The following CDS2 variants were observed in gnomAD, a reference collection of about 807,000 sequenced individuals.
The protein encoded by CDS2 is phosphatidate cytidylyltransferase 2.
CDS2 carries 47 observed loss-of-function variants against 59.0 expected under a neutral mutation model. That is an observed-to-expected ratio of 0.80 (90% CI 0.63 to 1.02). The LOEUF is 1.02. Ranked by LOEUF, CDS2 falls within the 50% of genes least tolerant of loss-of-function variation. CDS2 has a pLI of 0.00. For synonymous variants in CDS2, 207 were observed against 206.4 expected (o/e 1.00, Z -0.02); for missense variants, 356 against 558.9 (o/e 0.64, Z 3.66).
intron 1 of CDS2, among the ~76,000 whole-genome samples, chr20:5,161,891 A>G (rs2090879064): frequency 6.6e-6 from 1 of 152,214 alleles, no homozygotes. Context: ...CGCTAACTAG[A>G]ACCAGACCAT....
intron 1 of CDS2, among the ~76,000 whole-genome samples, chr20:5,134,962 A>T (rs1446128042): frequency 1.3e-5 from 2 of 152,210 alleles, no homozygotes; most frequent in African/African-American, 2.4e-5. Context: ...CTGTCCTACT[A>T]ATGTAAAGCA....
In CDS2 at chr20:5,193,709, T is replaced by C. The variant is rs1373277016; in HGVS notation, c.*3475T>C. 6.6e-6 allele frequency: 1 copy of C among 152,188 alleles called. No homozygotes were observed. The highest frequency in any genetic ancestry group is 1.5e-5 in the Non-Finnish European group (1 of 68,044). The allele number at this position is 152,188 out of a possible 1,614,324, so 9.4% of individuals were successfully genotyped here. On this transcript the variant is annotated 3_prime_UTR_variant, in exon 13 of 13. Transcript: ENST00000460006. ...CGGGTAGTGGGAGAGTATAAGTGACTTGAGACAGAGTGTCCTTGCTCAGAA... is the reference window on the plus strand; with the variant it reads ...CGGGTAGTGGGAGAGTATAAGTGACCTGAGACAGAGTGTCCTTGCTCAGAA...
Position 5,182,426 on chromosome 20 carries a change from A to G in CDS2, c.569A>G (p.Tyr190Cys). Residue 190 changes from tyrosine to cysteine, a missense_variant, in exon 6 of 13, where the codon TAT becomes TGT. Coordinates refer to ENST00000460006, the MANE Select transcript of CDS2 (RefSeq NM_003818.4). Reference protein sequence around the residue: ...MFVLSLVKKHYRLQFYMFGWT... With the variant: ...MFVLSLVKKHCRLQFYMFGWT... ...GTACTGAGTCTGGTCAAGAAGCATT[A>G]TCGACTGCAGTTCTACATGGTAAAG... 6.2e-7 allele frequency: 1 copy of G among 1,612,450 alleles called. No homozygotes were observed. Among genetic ancestry groups the G allele is most frequent in the Non-Finnish European group, 8.5e-7 (1 of 1,179,216 alleles).
rs149460351 is a variant in CDS2, at chr20:5,132,216, G to A, written c.57+5067G>A. Reference sequence around the variant, plus strand: ...GGGTTCAAGTGATTCTCCCATCTCAGCCTCCCGAGTAGCTGAGATTACAGT... The same window carrying A: ...GGGTTCAAGTGATTCTCCCATCTCAACCTCCCGAGTAGCTGAGATTACAGT... On this transcript the variant is annotated intron_variant, in intron 1 of 12. Coordinates refer to ENST00000460006, the MANE Select transcript of CDS2 (RefSeq NM_003818.4). Among the ~76,000 whole-genome samples the A allele has an allele frequency of 3.5e-3, 525 of 151,838 alleles. 5 individuals are homozygous for A. Among genetic ancestry groups the A allele is most frequent in the African/African-American group, 0.012 (502 of 41,362 alleles).
intron 4 of CDS2, 140 bp downstream of exon 4, chr20:5,176,885 A>T (rs17720457): frequency 1.5e-6 from 1 of 652,372 alleles, no homozygotes; most frequent in Non-Finnish European, 2.8e-6. Context: ...AGGTCATACA[A>T]AGTTTCATGA....
chr20:5,154,609 C>T (rs2090818552), intron 1 of CDS2, among the ~76,000 whole-genome samples: 1 of 152,194 alleles, frequency 6.6e-6, no homozygotes, highest in South Asian at 2.1e-4. Flanking sequence ...TTCCAGTGTG[C>T]TGTCCAGTTG....
At chr20:5,130,524 C>T in intron 1 of CDS2, among the ~76,000 whole-genome samples, 1 of 151,874 alleles carries the variant, frequency 6.6e-6, no homozygotes, top group East Asian at 2.0e-4. Context: ...CGCCTGTAAT[C>T]CCAGCACTTT....
intron 1 of CDS2, among the ~76,000 whole-genome samples, chr20:5,163,253 TC>T (rs1170554284): frequency 5.9e-5 from 9 of 152,324 alleles, no homozygotes; most frequent in African/African-American, 2.2e-4. Context: ...TTTTTTTGTT[TC>T]GTTTTTATTT....
intron 1 of CDS2, among the ~76,000 whole-genome samples, chr20:5,141,022 A>C (rs1453798221): frequency 1.3e-5 from 2 of 152,098 alleles, no homozygotes; most frequent in Admixed American, 6.5e-5. Flanking sequence ...GCACTTGGAA[A>C]CTCAGAAGCA....
intron 1 of CDS2, among the ~76,000 whole-genome samples, chr20:5,133,090 G>A (rs2090621162): frequency 6.6e-6 from 1 of 151,924 alleles, no homozygotes; most frequent in South Asian, 2.1e-4. Context: ...TGGCGTGATG[G>A]CGTGAACCCG....
intron 1 of CDS2, among the ~76,000 whole-genome samples, chr20:5,146,016 T>C (rs548362244): frequency 6.6e-6 from 1 of 152,122 alleles, no homozygotes; most frequent in East Asian, 1.9e-4. Flanking sequence ...AGAGATGGGG[T>C]CTCACTATGT....
rs2091116613 is a variant in CDS2, at chr20:5,191,756, G to C, written c.*1522G>C. 1 of 152,202 alleles carries C rather than the reference G, an allele frequency of 6.6e-6. No homozygotes were observed. Among genetic ancestry groups the C allele is most frequent in the Non-Finnish European group, 1.5e-5 (1 of 68,040 alleles). The allele number at this position is 152,202 out of a possible 1,614,324, so 9.4% of individuals were successfully genotyped here. On this transcript the variant is annotated 3_prime_UTR_variant, in exon 13 of 13. Transcript: ENST00000460006. Reference sequence around the variant, plus strand: ...TGAGTGACTTCCCATATGTGTGTGGGGCTGAAGCGGCTTCTTTCCGCTGAA... The same window carrying C: ...TGAGTGACTTCCCATATGTGTGTGGCGCTGAAGCGGCTTCTTTCCGCTGAA...
chr20:5,182,983 C>G (rs2091042274), intron 6 of CDS2, 78 bp from the exon 7 acceptor site: 1 of 1,171,508 alleles, frequency 8.5e-7, no homozygotes, highest in African/African-American at 1.5e-5. Context: ...CAGCAGTTTT[C>G]TATTTGGTAT....
chr20:5,172,808 G>C (rs1347167149), intron 1 of CDS2, among the ~76,000 whole-genome samples: 2 of 152,178 alleles, frequency 1.3e-5, no homozygotes, highest in African/African-American at 4.8e-5. Context: ...TGGTAGGATG[G>C]TTCCTAGGAT....
At chr20:5,131,465 G>A (rs1640226682) in intron 1 of CDS2, among the ~76,000 whole-genome samples, 2 of 152,220 alleles carry the variant, frequency 1.3e-5, no homozygotes, top group African/African-American at 4.8e-5. Context: ...GATATGGTCT[G>A]AAAGATTGGC....
At chr20:5,138,547 G>A (rs796441885) in intron 1 of CDS2, among the ~76,000 whole-genome samples, 4 of 151,658 alleles carry the variant, frequency 2.6e-5, no homozygotes, top group African/African-American at 7.3e-5. Context: ...GTGCAATGGC[G>A]CCATTTTGGC....
intron 1 of CDS2, among the ~76,000 whole-genome samples, chr20:5,129,013 G>A (rs1456375777): frequency 6.6e-6 from 1 of 152,174 alleles, no homozygotes; most frequent in Non-Finnish European, 1.5e-5. Context: ...GATAAAGTGC[G>A]AGTTGAACCG....
intron 1 of CDS2, among the ~76,000 whole-genome samples, chr20:5,156,576 A>G (rs2090835051): frequency 6.6e-6 from 1 of 152,126 alleles, no homozygotes; most frequent in Non-Finnish European, 1.5e-5. Context: ...AAGAACTGAG[A>G]AGATGTCATT....
chr20:5,137,854 A>G (rs1165921388), intron 1 of CDS2, among the ~76,000 whole-genome samples: 2 of 151,422 alleles, frequency 1.3e-5, no homozygotes, highest in East Asian at 2.0e-4. Flanking sequence ...GCTGGAGTAC[A>G]GTGGCACGAT....
Sources: allele counts gnomAD v4.1 joint callset (sites outside exome capture counted in the v4.1 genomes callset), GRCh38; gene constraint gnomAD v4.1.1; transcripts MANE v1.5; gene names NCBI Gene and HGNC (gene_info 2026-07-23, HGNC 2026-07-21).